The following SGCZ variants were observed in gnomAD, a reference collection of about 807,000 sequenced individuals.
SGCZ encodes the protein sarcoglycan zeta, also known as zeta-sarcoglycan.
In SGCZ, 40 loss-of-function variants were observed where a neutral mutation model predicts 41.3. The observed-to-expected ratio is 0.97, with a 90% CI of 0.75 to 1.26. The LOEUF is 1.26. SGCZ is among the 50% of genes most tolerant of loss of function. SGCZ has a pLI of 0.00. For synonymous variants in SGCZ, 206 were observed against 137.5 expected (o/e 1.50, Z -3.49); for missense variants, 552 against 369.8 (o/e 1.49, Z -4.04).
intron 2 of SGCZ, among the ~76,000 whole-genome samples, chr8:14,459,390 A>C (rs1330290463): frequency 6.6e-6 from 1 of 152,148 alleles, no homozygotes; most frequent in African/African-American, 2.4e-5. Flanking sequence ...CACATTGTGC[A>C]CATGTACCCT....
At chr8:14,227,429 A>G (rs557467155) in intron 4 of SGCZ, among the ~76,000 whole-genome samples, 1 of 152,234 alleles carries the variant, frequency 6.6e-6, no homozygotes, top group Non-Finnish European at 1.5e-5. Context: ...TGACCTCAGA[A>G]TCAAAATAAG....
Position 14,471,323 on chromosome 8 carries a change from C to A in SGCZ, c.234+83409G>T, listed in dbSNP as rs182303624. On this transcript the variant is annotated intron_variant, in intron 2 of 7. Coordinates refer to ENST00000382080, the MANE Select transcript of SGCZ (RefSeq NM_139167.4). ...CAGTGCTGAAAAATACATTAATTAG[C>A]GTATGCTTATAAATCATACTTATAG... Among the ~76,000 whole-genome samples, 10 of 152,178 alleles carry A rather than the reference C, an allele frequency of 6.6e-5. No individual in the cohort carries two copies. In the East Asian group the frequency reaches 1.7e-3, roughly 26 times the overall value.
At chr8:14,192,615 A>T (rs1215481452) in intron 4 of SGCZ, among the ~76,000 whole-genome samples, 1 of 151,862 alleles carries the variant, frequency 6.6e-6, no homozygotes, top group Non-Finnish European at 1.5e-5. Flanking sequence ...CTGATTCTAC[A>T]TTACTTTTCT....
chr8:14,213,951 T>C (rs375973683), intron 4 of SGCZ, among the ~76,000 whole-genome samples: 15 of 152,138 alleles, frequency 9.9e-5, no homozygotes, highest in African/African-American at 3.4e-4. Flanking sequence ...TCCCAGCTGC[T>C]TAATTAGGGC....
chr8:14,975,829 ATAGT>A (rs1801453784), intron 1 of SGCZ, among the ~76,000 whole-genome samples: 1 of 143,216 alleles, frequency 7.0e-6, no homozygotes, highest in African/African-American at 2.6e-5. Context: ...GTGTGTAGAA[ATAGT>A]TATGAACTAC....
chr8:15,209,965 G>A (rs1375051681), intron 1 of SGCZ, among the ~76,000 whole-genome samples: 1 of 151,940 alleles, frequency 6.6e-6, no homozygotes, highest in Non-Finnish European at 1.5e-5. Context: ...GGAGTTTCTG[G>A]GAGGGATTTA....
At chr8:14,667,870 T>C (rs904902638) in intron 1 of SGCZ, among the ~76,000 whole-genome samples, 7 of 152,194 alleles carry the variant, frequency 4.6e-5, no homozygotes, top group South Asian at 4.1e-4. Flanking sequence ...ACTATCCCTA[T>C]ACATGAGGAC....
At chr8:14,289,012 G>C (rs997429495) in intron 3 of SGCZ, among the ~76,000 whole-genome samples, 3 of 151,936 alleles carry the variant, frequency 2.0e-5, no homozygotes, top group African/African-American at 7.2e-5. Flanking sequence ...TTTTATTTGT[G>C]TTTTCTTGAT....
intron 1 of SGCZ, among the ~76,000 whole-genome samples, chr8:14,919,923 T>C (rs971273998): frequency 6.6e-6 from 1 of 152,010 alleles, no homozygotes; most frequent in East Asian, 1.9e-4. Flanking sequence ...GTTTTTTTTG[T>C]TTTGTTTTGT....
At chr8:14,689,375 T>C (rs893692558) in intron 1 of SGCZ, among the ~76,000 whole-genome samples, 41 of 152,168 alleles carry the variant, frequency 2.7e-4, no homozygotes, top group African/African-American at 9.6e-4. Flanking sequence ...CATTGTTTAA[T>C]GCAAATTATA....
At chr8:14,622,544 G>A (rs1563159986) in intron 1 of SGCZ, among the ~76,000 whole-genome samples, 1 of 151,948 alleles carries the variant, frequency 6.6e-6, no homozygotes, top group Non-Finnish European at 1.5e-5. Flanking sequence ...AAAGAGTGTT[G>A]CTGTTTATGA....
At chr8:14,624,394 G>A (rs573090769) in intron 1 of SGCZ, among the ~76,000 whole-genome samples, 10 of 151,730 alleles carry the variant, frequency 6.6e-5, no homozygotes, top group African/African-American at 1.4e-4. Flanking sequence ...AAAATTCATC[G>A]ACTTTCAAAT....
chr8:14,137,188 C>A (rs1379853269), intron 5 of SGCZ, among the ~76,000 whole-genome samples: 1 of 152,100 alleles, frequency 6.6e-6, no homozygotes, highest in African/African-American at 2.4e-5. Context: ...CATTAAAGAC[C>A]AAAGGTAGGT....
At chr8:15,067,913 G>T (rs1313090685) in intron 1 of SGCZ, among the ~76,000 whole-genome samples, 1 of 152,098 alleles carries the variant, frequency 6.6e-6, no homozygotes, top group Non-Finnish European at 1.5e-5. Context: ...GTAATGGGAA[G>T]AATAAAAATG....
chr8:15,031,937 CTG>C (rs67513813), intron 1 of SGCZ, among the ~76,000 whole-genome samples: 24 of 145,014 alleles, frequency 1.7e-4, no homozygotes, highest in South Asian at 6.8e-4. Flanking sequence ...CTCTCTCTCT[CTG>C]TCTGTCTGTC....
At chr8:15,106,935 T>C (rs1806848553) in intron 1 of SGCZ, among the ~76,000 whole-genome samples, 1 of 152,036 alleles carries the variant, frequency 6.6e-6, no homozygotes, top group South Asian at 2.1e-4. Flanking sequence ...TGGTGTTGAA[T>C]TTTTTTATTA....
chr8:14,785,310 G>A (rs1333912737), intron 1 of SGCZ, among the ~76,000 whole-genome samples: 7 of 151,848 alleles, frequency 4.6e-5, no homozygotes. Context: ...TCTCAACTGA[G>A]ATCTGGATTT....
At chr8:14,379,269 T>G (rs571024460) in intron 2 of SGCZ, among the ~76,000 whole-genome samples, 6 of 152,246 alleles carry the variant, frequency 3.9e-5, no homozygotes, top group African/African-American at 1.4e-4. Context: ...ACGATAAAAA[T>G]TCAACAAGGT....
At chr8:14,895,938 C>T (rs144797043) in intron 1 of SGCZ, among the ~76,000 whole-genome samples, 133 of 152,302 alleles carry the variant, frequency 8.7e-4, no homozygotes, top group Middle Eastern at 3.4e-3. Context: ...TTGAGACTCA[C>T]TTTAGTAAAA....
Sources: allele counts gnomAD v4.1 joint callset (sites outside exome capture counted in the v4.1 genomes callset), GRCh38; gene constraint gnomAD v4.1.1; transcripts MANE v1.5; gene names NCBI Gene and HGNC (gene_info 2026-07-23, HGNC 2026-07-21).